SNORC: variants seen among roughly 807,000 people sequenced by gnomAD.
SNORC encodes the protein secondary ossification center associated regulator of chondrocyte maturation.
SNORC carries 11 observed loss-of-function variants against 9.7 expected under a neutral mutation model. The ratio of observed to expected loss-of-function variants is 1.14; its 90% CI spans 0.72 to 1.88. The LOEUF is 1.88. SNORC is among the 40% of genes most tolerant of loss of function. SNORC has a pLI of 0.00. For synonymous variants in SNORC, 108 were observed against 88.7 expected (o/e 1.22, Z -1.22); for missense variants, 197 against 173.1 (o/e 1.14, Z -0.77).
At chr2:232,877,185 C>G, downstream of SNORC, 2 of 985,648 alleles carry the variant, frequency 2.0e-6, no homozygotes, top group African/African-American at 1.7e-5. Flanking sequence ...GCTTCCTACT[C>G]TCACCCCCAG....
At chr2:232,876,668 G>A, downstream of SNORC, 2 of 1,007,180 alleles carry the variant, frequency 2.0e-6, no homozygotes, top group Non-Finnish European at 2.4e-6. The surrounding 1 kb of genome is among the most constrained non-coding windows in gnomAD (Gnocchi z 6.8). Flanking sequence ...CGTGCACCAC[G>A]GCTGGAGTGC....
chr2:232,876,531 C>T (rs1691256534), downstream of SNORC: 4 of 1,209,816 alleles, frequency 3.3e-6, no homozygotes, highest in South Asian at 4.0e-5. The surrounding 1 kb of genome is among the most constrained non-coding windows in gnomAD (Gnocchi z 6.8). Context: ...TGCACGCGCG[C>T]GGGTCCGGAG....
upstream of SNORC, chr2:232,869,193 T>C (rs1690934691): frequency 1.3e-5 from 2 of 152,086 alleles, no homozygotes; most frequent in African/African-American, 4.8e-5. Context: ...AAGCTGAGGC[T>C]TGAATGGAAG....
downstream of SNORC, chr2:232,876,504 G>T: frequency 3.9e-6 from 5 of 1,283,892 alleles, no homozygotes; most frequent in Non-Finnish European, 4.9e-6. This position sits in a 1 kb window ranked among gnomAD's most constrained non-coding sequence, Gnocchi z 6.8. Context: ...TGCGCGCGGG[G>T]CCGAGGGTGG....
chr2:232,876,474 G>A, downstream of SNORC: 1 of 1,359,214 alleles, frequency 7.4e-7, no homozygotes, highest in Non-Finnish European at 9.4e-7. This position sits in a 1 kb window ranked among gnomAD's most constrained non-coding sequence, Gnocchi z 6.8. Context: ...GCGCGCGCAG[G>A]CGAGCGCTCA....
At chr2:232,872,793 G>T (rs1422520239) in intron 1 of SNORC, among the ~76,000 whole-genome samples, 1 of 152,192 alleles carries the variant, frequency 6.6e-6, no homozygotes, top group African/African-American at 2.4e-5. Context: ...TTTGGGGGAA[G>T]ATGGGAATTG....
In SNORC at chr2:232,876,370, G is replaced by C. The variant is rs1487558484; in HGVS notation, c.*14G>C. Reference sequence around the variant, plus strand: ...TCTGCCTCCTGAAGCGAATAAAGGGGCCGCGCCCGGCCGCGGCGCGACTCG... The same window carrying C: ...TCTGCCTCCTGAAGCGAATAAAGGGCCCGCGCCCGGCCGCGGCGCGACTCG... On this transcript the variant is annotated 3_prime_UTR_variant, in exon 3 of 3. Transcript: ENST00000331342. This position sits in a 1 kb window ranked among gnomAD's most constrained non-coding sequence, Gnocchi z 6.8. The C allele has an allele frequency of 6.6e-7, 1 of 1,514,390 alleles. No individual in the cohort carries two copies. The highest frequency in any genetic ancestry group is 1.2e-5 in the South Asian group (1 of 82,438). The allele number at this position is 1,514,390 out of a possible 1,614,324, so 93.8% of individuals were successfully genotyped here.
Position 232,874,742 on chromosome 2 carries a change from G to A in SNORC, c.74-1198G>A, listed in dbSNP as rs144682865. Among the ~76,000 whole-genome samples the A allele has an allele frequency of 7.2e-3, 1,100 of 152,330 alleles. 15 individuals carry two copies. Among genetic ancestry groups the A allele is most frequent in the African/African-American group, 0.024 (1,011 of 41,580 alleles). On this transcript the variant is annotated intron_variant, in intron 1 of 2. Coordinates refer to ENST00000331342, the Ensembl canonical transcript of SNORC. Reference sequence around the variant, plus strand: ...GGGATGGAACCCGCAGGGACAAAAGGTGCCCTAGGGTCGCCGGCTGGCCGG... The same window carrying A: ...GGGATGGAACCCGCAGGGACAAAAGATGCCCTAGGGTCGCCGGCTGGCCGG...
intron 1 of SNORC, among the ~76,000 whole-genome samples, chr2:232,871,690 A>G (rs1317025415): frequency 6.6e-6 from 1 of 152,186 alleles, no homozygotes; most frequent in Admixed American, 6.5e-5. Context: ...GATGGGGGGA[A>G]GGGACTTAAA....
At chr2:232,871,704 G>A (rs1303076793) in intron 1 of SNORC, among the ~76,000 whole-genome samples, 3 of 152,228 alleles carry the variant, frequency 2.0e-5, no homozygotes, top group Admixed American at 1.3e-4. Flanking sequence ...ACTTAAAGGG[G>A]AAGGTGGCAT....
intron 1 of SNORC, among the ~76,000 whole-genome samples, chr2:232,872,439 G>A (rs779221345): frequency 3.9e-5 from 6 of 152,218 alleles, no homozygotes; most frequent in Non-Finnish European, 8.8e-5. Context: ...TTACCAAAAG[G>A]CAGGGCGGCT....
chr2:232,870,685 A>AG (rs1183423032), intron 1 of SNORC, among the ~76,000 whole-genome samples: 1 of 151,834 alleles, frequency 6.6e-6, no homozygotes, highest in Non-Finnish European at 1.5e-5. Flanking sequence ...TTTGCTGTTG[A>AG]GGGGGACATG....
chr2:232,876,987 T>C, downstream of SNORC: 1 of 985,130 alleles, frequency 1.0e-6, no homozygotes, highest in Non-Finnish European at 1.2e-6. This position sits in a 1 kb window ranked among gnomAD's most constrained non-coding sequence, Gnocchi z 6.8. Flanking sequence ...GAGGCCGGGG[T>C]TGGGGAGGGC....
chr2:232,877,171 C>T, downstream of SNORC: 3 of 985,624 alleles, frequency 3.0e-6, no homozygotes, highest in Non-Finnish European at 3.6e-6. Context: ...CACGGCCCGC[C>T]CCTGCTTCCT....
chr2:232,876,639 C>T, downstream of SNORC: 2 of 1,032,448 alleles, frequency 1.9e-6, no homozygotes, highest in Non-Finnish European at 1.2e-6. The surrounding 1 kb of genome is among the most constrained non-coding windows in gnomAD (Gnocchi z 6.8). Flanking sequence ...GCGCGCAGGG[C>T]CGCGCGGCTC....
chr2:232,876,307 T>A lies in SNORC; in HGVS notation c.317T>A (p.Val106Glu). ...ATCGCCGCCCTGCTGGCCACCTGCG[T>A]GGTGCTGGCGCTCGTGGTCGTCGCG... Residue 106 changes from valine (V) to glutamate (E), a missense_variant, in exon 3 of 3, where the codon GTG becomes GAG. By Grantham distance (121) the Val-to-Glu change is moderately radical (BLOSUM62 -2). Transcript: ENST00000331342. The surrounding 1 kb of genome is among the most constrained non-coding windows in gnomAD (Gnocchi z 6.8). The A allele has an allele frequency of 3.9e-6, 6 of 1,546,222 alleles. No individual in the cohort carries two copies. The highest frequency in any genetic ancestry group is 5.2e-6 in the Non-Finnish European group (6 of 1,149,916).
chr2:232,875,583 G>C (rs1691197528), intron 1 of SNORC: 1 of 413,174 alleles, frequency 2.4e-6, no homozygotes. Flanking sequence ...GGGTTATCAT[G>C]CAGGCGTCTC....
downstream of SNORC, chr2:232,877,431 C>G: frequency 1.1e-6 from 1 of 912,062 alleles, no homozygotes; most frequent in Non-Finnish European, 1.3e-6. Flanking sequence ...TACCCCAGTC[C>G]CCAGGGCCTT....
chr2:232,866,498 A>G (rs976037087), upstream of SNORC, among the ~76,000 whole-genome samples: 2 of 152,154 alleles, frequency 1.3e-5, no homozygotes, highest in South Asian at 4.2e-4. Flanking sequence ...TGTTTTGTGG[A>G]CCTGCACTCA....
Sources: allele counts gnomAD v4.1 joint callset (sites outside exome capture counted in the v4.1 genomes callset), GRCh38; gene constraint gnomAD v4.1.1; non-coding constraint Gnocchi (gnomAD v3.1); transcripts MANE v1.5; gene names NCBI Gene and HGNC (gene_info 2026-07-23, HGNC 2026-07-21).